Variants in ZNRF3 observed in about 807,000 individuals in gnomAD.
The protein encoded by ZNRF3 is E3 ubiquitin-protein ligase ZNRF3.
A neutral mutation model predicts 72.5 loss-of-function variants in ZNRF3; 23 were observed. The observed-to-expected ratio is 0.32, with a 90% CI of 0.23 to 0.45. The LOEUF is 0.45. Among genes scored for constraint, ZNRF3 ranks in the 20% least tolerant of loss-of-function variants. ZNRF3 has a pLI of 1.00. For synonymous variants in ZNRF3, 610 were observed against 545.3 expected, an observed-to-expected ratio of 1.12 and a Z score of -1.65; for missense variants, 1,169 against 1,272.1, an observed-to-expected ratio of 0.92 and a Z score of 1.23.
At chr22:29,020,273 T>TTTTC (rs1555984949) in intron 2 of ZNRF3, among the ~76,000 whole-genome samples, 20 of 133,352 alleles carry the variant, frequency 1.5e-4, no homozygotes, top group Non-Finnish European at 2.5e-4. Flanking sequence ...TTTTTTTTTT[T>TTTTC]CCCCCAAGAC....
At chr22:28,917,909 G>C (rs1459828854) in intron 1 of ZNRF3, among the ~76,000 whole-genome samples, 2 of 152,178 alleles carry the variant, frequency 1.3e-5, no homozygotes, top group African/African-American at 4.8e-5. Context: ...GGTAGCTTTT[G>C]GGTTCTTCAT....
rs1324686294 is a variant in ZNRF3 at position 29,056,050 on chromosome 22, G to A, written c.*2428G>A. On this transcript the variant is annotated 3_prime_UTR_variant, in exon 9 of 9. Coordinates refer to ENST00000544604, the MANE Select transcript of ZNRF3 (RefSeq NM_001206998.2). ...CCCATTTAATTTTTGTAGCTTACAGGTGGTAGAAACAAAAATGCAATTTTA... is the reference window on the plus strand; with the variant it reads ...CCCATTTAATTTTTGTAGCTTACAGATGGTAGAAACAAAAATGCAATTTTA... 1 of 151,864 alleles carries A rather than the reference G, an allele frequency of 6.6e-6. No individual in the cohort carries two copies. Among genetic ancestry groups the A allele is most frequent in the African/African-American group, 2.4e-5 (1 of 41,338 alleles). The allele number at this position is 151,864 out of a possible 1,614,324, so 9.4% of individuals were successfully genotyped here.
intron 1 of ZNRF3, among the ~76,000 whole-genome samples, chr22:28,944,622 G>A (rs1396674626): frequency 2.0e-5 from 3 of 152,092 alleles, no homozygotes; most frequent in Admixed American, 6.5e-5. Context: ...GGGCGTGGTG[G>A]CGCACGCCTG....
At chr22:28,963,568 C>T (rs1171875745) in intron 1 of ZNRF3, among the ~76,000 whole-genome samples, 1 of 152,168 alleles carries the variant, frequency 6.6e-6, no homozygotes, top group Non-Finnish European at 1.5e-5. Flanking sequence ...CATAAGGGCC[C>T]CATTCTCTCT....
intron 4 of ZNRF3, 122 bp downstream of exon 4, chr22:29,043,552 A>T: frequency 1.5e-6 from 2 of 1,292,760 alleles, no homozygotes; most frequent in Non-Finnish European, 2.1e-6. Flanking sequence ...AGGTTCCTGC[A>T]GGCTTAGATC....
intron 1 of ZNRF3, among the ~76,000 whole-genome samples, chr22:28,957,748 T>C (rs963555295): frequency 6.6e-6 from 1 of 151,924 alleles, no homozygotes; most frequent in Non-Finnish European, 1.5e-5. Context: ...CAATGACTGT[T>C]CTTTTTGAGA....
At position 28,930,261 on chromosome 22, in the gene ZNRF3, A is replaced by G. The variant is rs1419055720; in HGVS notation, c.300+46195A>G. 2.0e-5 allele frequency among the ~76,000 whole-genome samples: 3 copies of G among 152,350 alleles called. No homozygotes were observed. The East Asian group carries it at 5.8e-4, about 29-fold the overall frequency. On this transcript the variant is annotated intron_variant, in intron 1 of 8. Transcript: ENST00000544604. ...ATATTTTGCATTGTTTAATATTAAA[A>G]TCAGTTACATAATTATAGGAGGTGA...
At chr22:28,993,531 C>G (rs369586298) in intron 2 of ZNRF3, among the ~76,000 whole-genome samples, 1 of 152,262 alleles carries the variant, frequency 6.6e-6, no homozygotes, top group South Asian at 2.1e-4. Context: ...AACTTCTTTG[C>G]AAAGCACAAA....
chr22:29,021,885 TACAC>T (rs886522077), intron 2 of ZNRF3, among the ~76,000 whole-genome samples: 12 of 151,588 alleles, frequency 7.9e-5, no homozygotes, highest in East Asian at 1.9e-4. Context: ...CACACACACA[TACAC>T]ACACACACAT....
At chr22:28,886,312 T>G (rs1380805803) in intron 1 of ZNRF3, among the ~76,000 whole-genome samples, 2 of 152,352 alleles carry the variant, frequency 1.3e-5, no homozygotes, top group African/African-American at 4.8e-5. Context: ...TTAGGGCCGC[T>G]GAGAGGGAAT....
chr22:29,010,784 T>G (rs6005954), intron 2 of ZNRF3, among the ~76,000 whole-genome samples: 1 of 151,968 alleles, frequency 6.6e-6, no homozygotes, highest in Non-Finnish European at 1.5e-5. Context: ...GTTCTTGTGC[T>G]TCAACCTCCC....
intron 2 of ZNRF3, among the ~76,000 whole-genome samples, chr22:28,999,901 C>G (rs2036114405): frequency 6.6e-6 from 1 of 152,226 alleles, no homozygotes; most frequent in Non-Finnish European, 1.5e-5. Context: ...GCAGAGAAAG[C>G]TTGTCTGTGA....
In ZNRF3 at chr22:29,049,295, G is replaced by C; in HGVS notation, c.1114G>C (p.Val372Leu). The C allele has an allele frequency of 6.2e-7, 1 of 1,613,878 alleles. No homozygotes were observed. The highest frequency in any genetic ancestry group is 8.5e-7 in the Non-Finnish European group (1 of 1,179,998). Reference sequence around the variant, plus strand: ...CCTGCCGGTGCATTACCCCGGCCGCGTGCACAGGACCAACGCCATCCCAGC... The same window carrying C: ...CCTGCCGGTGCATTACCCCGGCCGCCTGCACAGGACCAACGCCATCCCAGC... The part of the protein sequence containing the change: ...VTLPVHYPGR[V>L]HRTNAIPAYP... The change falls in exon 8 of 9, where the codon GTG (valine) becomes CTG (leucine). Residue 372 changes from valine to leucine, a missense_variant. Coordinates refer to ENST00000544604, the MANE Select transcript of ZNRF3 (RefSeq NM_001206998.2). This position sits in a 1 kb window ranked among gnomAD's most constrained non-coding sequence, Gnocchi z 5.2.
chr22:28,974,967 C>A (rs1055324533), intron 1 of ZNRF3, among the ~76,000 whole-genome samples: 3 of 152,152 alleles, frequency 2.0e-5, no homozygotes, highest in Admixed American at 6.5e-5. Context: ...TTCTGTACAT[C>A]TAATACTATG....
chr22:28,918,537 CGTGTGTGTGTGTGT>C (rs56876101), intron 1 of ZNRF3, among the ~76,000 whole-genome samples: 19,826 of 148,670 alleles, frequency 0.13, 1,761 homozygotes, highest in East Asian at 0.39. Context: ...TGCATGTGTG[CGTGTGTGTGTGTGT>C]GTGTGTGTGT....
rs549460676 is a variant in ZNRF3, at chr22:28,954,372, C to A, written c.301-32704C>A. Among the ~76,000 whole-genome samples, 5 of 152,226 alleles carry A rather than the reference C, an allele frequency of 3.3e-5. No individual in the cohort carries two copies. The South Asian group carries it at 8.3e-4, about 25-fold the overall frequency. The stretch of plus-strand genomic sequence containing the variant: ...GTGAGCAAGCTCTCTGGCATCTCTT[C>A]TTAGAAGGGTACTAATCTCATCATG... On this transcript the variant is annotated intron_variant, in intron 1 of 8. Coordinates refer to ENST00000544604, the MANE Select transcript of ZNRF3 (RefSeq NM_001206998.2).
intron 2 of ZNRF3, among the ~76,000 whole-genome samples, chr22:28,989,172 C>T (rs918052614): frequency 2.0e-5 from 3 of 152,200 alleles, no homozygotes; most frequent in Non-Finnish European, 2.9e-5. Flanking sequence ...GCAGCCCCCA[C>T]GTTTCTCTGG....
At chr22:28,938,411 T>C (rs922517657) in intron 1 of ZNRF3, among the ~76,000 whole-genome samples, 24 of 152,208 alleles carry the variant, frequency 1.6e-4, no homozygotes, top group Non-Finnish European at 4.4e-5. Context: ...GGTTAGAGAT[T>C]ATTTGCCCTC....
intron 1 of ZNRF3, among the ~76,000 whole-genome samples, chr22:28,929,823 A>G (rs540861610): frequency 6.6e-6 from 1 of 152,360 alleles, no homozygotes; most frequent in African/African-American, 2.4e-5. Flanking sequence ...AATGATTTAA[A>G]AAGAATCATC....
Sources: allele counts gnomAD v4.1 joint callset (sites outside exome capture counted in the v4.1 genomes callset), GRCh38; gene constraint gnomAD v4.1.1; non-coding constraint Gnocchi (gnomAD v3.1); transcripts MANE v1.5; gene names NCBI Gene and HGNC (gene_info 2026-07-23, HGNC 2026-07-21).